BAG6: variants seen among roughly 807,000 people sequenced by gnomAD.
BAG6 encodes the protein BAG cochaperone 6.
In BAG6, 22 loss-of-function variants were observed where a neutral mutation model predicts 121.0. That is an observed-to-expected ratio of 0.18 (90% confidence interval 0.13 to 0.26). The LOEUF (loss-of-function observed/expected upper bound fraction) is 0.26, where lower values mean the gene tolerates loss of function less well. Among genes scored for constraint, BAG6 ranks in the 10% least tolerant of loss-of-function variants. The pLI, the probability that BAG6 is intolerant of heterozygous loss-of-function variation, is 1.00. For missense variants in BAG6, 1,233 were observed against 1,537.7 expected (o/e 0.80, Z 3.31); for synonymous variants, 583 against 584.6 (o/e 1.00, Z 0.04).
chr6:31,644,549 G>A lies in BAG6; in HGVS notation c.1423C>T (p.Pro475Ser), dbSNP rs780036168. The A allele has an allele frequency of 6.2e-6, 10 of 1,612,106 alleles. No individual in the cohort carries two copies. The highest frequency in any genetic ancestry group is 1.7e-4 in the Middle Eastern group (1 of 6,056). The change falls in exon 11 of 26, where the codon CCC becomes TCC. Residue 475 changes from proline (P) to serine (S), a missense_variant. Physicochemically the swap from Pro to Ser is moderately conservative, Grantham distance 74 (BLOSUM62 -1). Coordinates refer to ENST00000676615, the MANE Select transcript of BAG6 (RefSeq NM_001387994.1). The surrounding 1 kb of genome is among the most constrained non-coding windows in gnomAD (Gnocchi z 4.9). ...CCCAGGGTTTGGCCATGACCAGGGGGTCCCAGGGGGCCAGTGGGAGCACTC... is the reference window on the plus strand; with the variant it reads ...CCCAGGGTTTGGCCATGACCAGGGGATCCCAGGGGGCCAGTGGGAGCACTC... Reference protein sequence around the residue: ...VPSAPTGPLGPPGHGQTLGST... With the variant: ...VPSAPTGPLGSPGHGQTLGST...
chr6:31,643,798 G>A (rs1289109850), intron 14 of BAG6, 92 bp downstream of exon 14: 12 of 1,281,622 alleles, frequency 9.4e-6, no homozygotes, highest in Middle Eastern at 3.9e-4. Flanking sequence ...CAGGAAAGCA[G>A]GAACCAAGAA....
At chr6:31,646,669 T>C in intron 7 of BAG6, 146 bp from the exon 8 acceptor site, 1 of 1,007,650 alleles carries the variant, frequency 9.9e-7, no homozygotes, top group Non-Finnish European at 1.3e-6. Context: ...GCTTCTATTC[T>C]CTTCAACCTC....
chr6:31,651,852 C>A, intron 1 of BAG6, 76 bp from the exon 2 acceptor site: 2 of 1,079,022 alleles, frequency 1.9e-6, no homozygotes, highest in Admixed American at 1.8e-5. Flanking sequence ...TAGCATTAAT[C>A]CCTGCCCCAA....
At chr6:31,647,549 C>T (rs1464492333) in intron 7 of BAG6, 42 bp downstream of exon 7, 34 of 1,605,614 alleles carry the variant, frequency 2.1e-5, no homozygotes, top group Non-Finnish European at 2.7e-5. Flanking sequence ...CCATACTTCA[C>T]TTAGGATTCC....
Position 31,642,977 on chromosome 6 carries a change from A to G in BAG6, c.1895T>C (p.Met632Thr), listed in dbSNP as rs200711453. The change falls in exon 15 of 26, where the codon ATG becomes ACG. Residue 632 changes from methionine (M) to threonine (T), a missense_variant. Met to Thr is a moderately conservative substitution (Grantham distance 81). This residue lies in a region of BAG6 where 777 missense variants were observed against 861.4 expected (regional missense o/e 0.90). Transcript: ENST00000676615. The stretch of plus-strand genomic sequence containing the variant: ...AAGCTGAGAGAACTGAAGATCAGCC[A>G]TGGAGGGTTGAGGGGTGGGTGGAGG... ...AQPPPTPQPS[M>T]ADLQFSQLLG... is the part of the protein sequence containing the mutation. 1.0e-5 allele frequency: 16 copies of G among 1,601,050 alleles called. No homozygotes were observed. The Admixed American group carries it at 2.4e-4, about 25-fold the overall frequency.
Position 31,641,757 on chromosome 6 carries a change from G to A in BAG6, c.2505+19C>T. ...ATGTGCAAAAGAGGAGAGTTCTGGG[G>A]CCCCTGGCCTTCATTTACCCGGATG... On this transcript the variant is annotated intron_variant, in intron 17 of 25. Transcript: ENST00000676615. This position sits in a 1 kb window ranked among gnomAD's most constrained non-coding sequence, Gnocchi z 5.7. The A allele has an allele frequency of 5.0e-6, 8 of 1,612,698 alleles. No homozygotes were observed. Among genetic ancestry groups the A allele is most frequent in the Non-Finnish European group, 6.8e-6 (8 of 1,179,542 alleles).
Position 31,645,511 on chromosome 6 carries a change from G to A in BAG6, c.1012C>T (p.Arg338Cys), listed in dbSNP as rs369200113. 9 of 1,613,000 alleles carry A rather than the reference G, an allele frequency of 5.6e-6. No homozygotes were observed. Among genetic ancestry groups the A allele is most frequent in the South Asian group, 2.2e-5 (2 of 91,090 alleles). ...GNTFVALSDLRCNLACTPPRH... is the reference protein window; with the variant it reads ...GNTFVALSDLCCNLACTPPRH... ...GGGGGCGTGCAGGCCAGATTGCAGC[G>A]CAGGTCAGACAGTGCAACAAAGGTG... The change falls in exon 9 of 26, where the codon CGC (arginine) becomes TGC (cysteine). Residue 338 changes from arginine to cysteine, a missense_variant. Coordinates refer to ENST00000676615, the MANE Select transcript of BAG6 (RefSeq NM_001387994.1).
rs1036228616 is a variant in BAG6, at chr6:31,652,592, TG to T, written c.-183del. The T allele has an allele frequency of 2.6e-5, 4 of 152,172 alleles. No homozygotes were observed. The highest frequency in any genetic ancestry group is 9.7e-5 in the African/African-American group (4 of 41,400). 9.4% of individuals were successfully genotyped at this position (152,172 alleles called of 1,614,324 possible). The stretch of plus-strand genomic sequence containing the variant: ...CGAGTCGGGCCGGGGCCGGCCTAGG[TG>T]GGAGGGAGCCGAGCACCCCGAGGAG... On this transcript the variant is annotated 5_prime_UTR_variant, in exon 1 of 26. Coordinates refer to ENST00000676615, the MANE Select transcript of BAG6 (RefSeq NM_001387994.1).
At chr6:31,647,533 T>G in intron 7 of BAG6, 58 bp downstream of exon 7, 2 of 1,596,716 alleles carry the variant, frequency 1.3e-6, no homozygotes, top group Non-Finnish European at 1.7e-6. Flanking sequence ...GTTCATTTCC[T>G]TCTCCCCATA....
At position 31,645,149 on chromosome 6, in the gene BAG6, G is replaced by A; in HGVS notation, c.1166C>T (p.Pro389Leu). 1 of 1,612,890 alleles carries A rather than the reference G, an allele frequency of 6.2e-7. No homozygotes were observed. Among genetic ancestry groups the A allele is most frequent in the Non-Finnish European group, 8.5e-7 (1 of 1,179,932 alleles). ...AGGTGCCTCTGCATTGGGAGTTGGG[G>A]GGGGCCGAGTCCCATTTCCTGTCAT... ...VTMTGNGTRP[P>L]PTPNAEAPPP... Residue 389 changes from proline to leucine, a missense_variant, in exon 10 of 26, where the codon CCC (proline) becomes CTC (leucine). Physicochemically the swap from Pro to Leu is moderately conservative, Grantham distance 98. Around this residue, in one of 7 missense-constraint regions of BAG6, gnomAD observed 777 missense variants for 861.4 expected, o/e 0.90. Coordinates refer to ENST00000676615, the MANE Select transcript of BAG6 (RefSeq NM_001387994.1).
chr6:31,639,738 C>T (rs1780623570), intron 24 of BAG6, 92 bp from the exon 25 acceptor site: 2 of 1,427,942 alleles, frequency 1.4e-6, no homozygotes, highest in African/African-American at 1.4e-5. Flanking sequence ...AACCACTCCA[C>T]TGAGTCTCCA....
chr6:31,646,766 G>GTTTTTTTTT (rs66820473), intron 7 of BAG6, among the ~76,000 whole-genome samples: 21 of 60,646 alleles, frequency 3.5e-4, no homozygotes, highest in African/African-American at 4.2e-4. Context: ...GCTAATTTTT[G>GTTTTTTTTT]TTTTTTTTTT....
Position 31,640,720 on chromosome 6 carries a change from A to G in BAG6, c.2935-16T>C. 1 of 1,612,968 alleles carries G rather than the reference A, an allele frequency of 6.2e-7. No individual in the cohort carries two copies. Among genetic ancestry groups the G allele is most frequent in the South Asian group, 1.1e-5 (1 of 91,078 alleles). ...CAGGAAGTGGCTGTGAAATTAAAGA[A>G]CACCATACTTCCTCTCAGATCTCTC... On this transcript the variant is annotated splice_polypyrimidine_tract_variant and intron_variant, in intron 21 of 25. Coordinates refer to ENST00000676615, the MANE Select transcript of BAG6 (RefSeq NM_001387994.1). This position sits in a 1 kb window ranked among gnomAD's most constrained non-coding sequence, Gnocchi z 4.2.
At chr6:31,639,898 G>C in intron 24 of BAG6, 1 of 616,774 alleles carries the variant, frequency 1.6e-6, no homozygotes, top group East Asian at 2.8e-5. Flanking sequence ...CAAGCCATCC[G>C]GGATTCAGAG....
chr6:31,642,054 A>G (rs1783376128), intron 16 of BAG6, 58 bp downstream of exon 16: 3 of 1,596,110 alleles, frequency 1.9e-6, no homozygotes, highest in Non-Finnish European at 2.6e-6. Context: ...AACCAAGGCC[A>G]TCTACATTCC....
chr6:31,643,105 G>T lies in BAG6; in HGVS notation c.1767C>A (p.Thr589=). Reference sequence around the variant, plus strand: ...GGGCTGGCGGTGGAGCCATACCTGGGGTCCCCTGAGCTGTAAGAAACCAAA... The same window carrying T: ...GGGCTGGCGGTGGAGCCATACCTGGTGTCCCCTGAGCTGTAAGAAACCAAA... ...LMQPVLVAQG[T]PGMAPPPAPA... Residue 589 remains threonine, a synonymous_variant, in exon 15 of 26, where the codon ACC becomes ACA. Coordinates refer to ENST00000676615, the MANE Select transcript of BAG6 (RefSeq NM_001387994.1). The T allele has an allele frequency of 6.4e-7, 1 of 1,573,068 alleles. No homozygotes were observed. The highest frequency in any genetic ancestry group is 2.3e-5 in the East Asian group (1 of 43,914).
In BAG6 at chr6:31,649,884, A is replaced by C. The variant is rs140068915; in HGVS notation, c.109-257T>G. On this transcript the variant is annotated intron_variant, in intron 2 of 25. Coordinates refer to ENST00000676615, the MANE Select transcript of BAG6 (RefSeq NM_001387994.1). ...TGGGAGGCCAAGGCAGGCAGATCAC[A>C]TTAGGTCAGGAGTTCGAGACCAGCC... Among the ~76,000 whole-genome samples, 1,189 of 151,816 alleles carry C rather than the reference A, an allele frequency of 7.8e-3. 17 individuals carry two copies. Among genetic ancestry groups the C allele is most frequent in the African/African-American group, 0.027 (1,105 of 41,388 alleles).
chr6:31,641,137 C>G lies in BAG6; in HGVS notation c.2754G>C (p.Gln918His), dbSNP rs950098859. The G allele has an allele frequency of 4.3e-6, 7 of 1,613,140 alleles. No homozygotes were observed. The highest frequency in any genetic ancestry group is 5.9e-6 in the Non-Finnish European group (7 of 1,180,000). Residue 918 changes from glutamine (Q) to histidine (H), a missense_variant, in exon 20 of 26, where the codon CAG becomes CAC. Transcript: ENST00000676615. The surrounding 1 kb of genome is among the most constrained non-coding windows in gnomAD (Gnocchi z 5.7). ...CATTGATAACAGCAGCAAGCTCCAT[C>G]TGCTGTCCCCCCAAGCAGTGCAGGT... Reference protein sequence around the residue: ...ALNLHCLGGQQMELAAVINGR... With the variant: ...ALNLHCLGGQHMELAAVINGR...
rs774713947 is a variant in BAG6 at position 31,639,086 on chromosome 6, G to A, written c.*45C>T. 6.7e-7 allele frequency: 1 copy of A among 1,496,834 alleles called. No individual in the cohort carries two copies. The highest frequency in any genetic ancestry group is 9.2e-7 in the Non-Finnish European group (1 of 1,086,222). The allele number at this position is 1,496,834 out of a possible 1,614,324, so 92.7% of individuals were successfully genotyped here. A position where few individuals can be genotyped will look rare whatever the true frequency, so the allele number is the denominator to read the frequency against. ...ATTTCTTAAATACTGTGAAGGAAGAGGGGGGAAACGGTCCCCTGATGAGGA... is the reference window on the plus strand; with the variant it reads ...ATTTCTTAAATACTGTGAAGGAAGAAGGGGGAAACGGTCCCCTGATGAGGA... On this transcript the variant is annotated 3_prime_UTR_variant, in exon 26 of 26. Transcript: ENST00000676615.
Sources: allele counts gnomAD v4.1 joint callset (sites outside exome capture counted in the v4.1 genomes callset), GRCh38; gene constraint gnomAD v4.1.1; regional missense constraint gnomAD v4.1.1; non-coding constraint Gnocchi (gnomAD v3.1); transcripts MANE v1.5; gene names NCBI Gene and HGNC (gene_info 2026-07-23, HGNC 2026-07-21).